Variants in PCSK5 observed in about 807,000 individuals in gnomAD.
The protein encoded by PCSK5 is proprotein convertase subtilisin/kexin type 5.
PCSK5 carries 129 observed loss-of-function variants against 233.2 expected under a neutral mutation model. That is an observed-to-expected ratio of 0.55 (90% CI 0.48 to 0.64). The LOEUF (loss-of-function observed/expected upper bound fraction) is 0.64. PCSK5 is among the 30% of genes least tolerant of loss of function. The pLI is 0.00. For missense variants in PCSK5, 2,076 were observed against 2,430.1 expected, an observed-to-expected ratio of 0.85 and a Z score of 3.06; for synonymous variants, 825 against 879.2, an observed-to-expected ratio of 0.94 and a Z score of 1.09.
At chr9:76,139,229 A>C (rs921378995) in intron 10 of PCSK5, among the ~76,000 whole-genome samples, 48 of 152,272 alleles carry the variant, frequency 3.2e-4, no homozygotes, top group Admixed American at 2.8e-3. Context: ...TGTGTGTTCA[A>C]TCAAAATGAA....
At chr9:76,157,430 C>T (rs1482127493) in intron 11 of PCSK5, among the ~76,000 whole-genome samples, 3 of 149,202 alleles carry the variant, frequency 2.0e-5, no homozygotes, top group South Asian at 2.1e-4. Context: ...TTTCTACTGT[C>T]GATATTTCTA....
chr9:76,097,304 C>T (rs1831572991), intron 8 of PCSK5, among the ~76,000 whole-genome samples: 1 of 119,214 alleles, frequency 8.4e-6, no homozygotes, highest in Admixed American at 1.1e-4. Context: ...CCAGGCGGGA[C>T]TGCGGACTGC....
intron 9 of PCSK5, among the ~76,000 whole-genome samples, chr9:76,115,581 T>A (rs376039010): frequency 6.6e-6 from 1 of 152,076 alleles, no homozygotes; most frequent in East Asian, 1.9e-4. Context: ...CCAGGGAATT[T>A]TTGTTCTGAT....
At chr9:75,897,634 C>T (rs1825868514) in intron 1 of PCSK5, among the ~76,000 whole-genome samples, 1 of 151,842 alleles carries the variant, frequency 6.6e-6, no homozygotes. Context: ...ACTGGGATTA[C>T]AGGCAAGCAC....
At chr9:76,111,368 A>G (rs10781335) in intron 9 of PCSK5, among the ~76,000 whole-genome samples, 76,207 of 151,978 alleles carry the variant, frequency 0.5, 19,397 homozygotes, top group East Asian at 0.74. Context: ...GTTAAGCTCT[A>G]CAGCCACCTT....
chr9:75,951,515 TTGAATC>T (rs1373592311), intron 2 of PCSK5, among the ~76,000 whole-genome samples: 4 of 152,230 alleles, frequency 2.6e-5, no homozygotes, highest in Non-Finnish European at 4.4e-5. Context: ...TTTACAAACT[TTGAATC>T]TGAATAATAT....
intron 1 of PCSK5, among the ~76,000 whole-genome samples, chr9:75,916,153 CA>C (rs1822978711): frequency 6.6e-6 from 1 of 152,134 alleles, no homozygotes; most frequent in Non-Finnish European, 1.5e-5. Context: ...TTAATCAGGT[CA>C]GGGTTTAAAC....
intron 10 of PCSK5, among the ~76,000 whole-genome samples, chr9:76,141,161 G>A (rs953039344): frequency 2.6e-5 from 4 of 152,062 alleles, no homozygotes; most frequent in Non-Finnish European, 4.4e-5. Flanking sequence ...TGACTATCAA[G>A]TAATGAAATT....
chr9:76,079,165 G>A (rs925219022), intron 7 of PCSK5, among the ~76,000 whole-genome samples: 8 of 151,618 alleles, frequency 5.3e-5, no homozygotes, highest in African/African-American at 9.7e-5. Flanking sequence ...AGTGGCGTGC[G>A]TGATCTTGGC....
intron 2 of PCSK5, among the ~76,000 whole-genome samples, chr9:75,968,140 T>TG (rs1825672826): frequency 6.6e-6 from 1 of 152,234 alleles, no homozygotes; most frequent in East Asian, 1.9e-4. Flanking sequence ...GGGATGTTGT[T>TG]GATTCACTGA....
chr9:76,058,119 G>A (rs1829889927), intron 5 of PCSK5, among the ~76,000 whole-genome samples: 1 of 152,118 alleles, frequency 6.6e-6, no homozygotes, highest in Non-Finnish European at 1.5e-5. Flanking sequence ...AAAACTGCAA[G>A]GATTACAGAT....
chr9:75,906,629 G>T (rs1185322013), intron 1 of PCSK5, among the ~76,000 whole-genome samples: 1 of 152,172 alleles, frequency 6.6e-6, no homozygotes, highest in Non-Finnish European at 1.5e-5. Context: ...GGAAGAGAAG[G>T]TCAGAACAGT....
Position 76,292,218 on chromosome 9 carries a change from ATTT to A in PCSK5, c.3143-7_3143-5del. On this transcript the variant is annotated splice_polypyrimidine_tract_variant and intron_variant, in intron 24 of 37. Coordinates refer to ENST00000674117, the MANE Select transcript of PCSK5 (RefSeq NM_001372043.1). Reference sequence around the variant, plus strand: ...TTCCTCATGATTATTACTTTTTATTATTTTTTTTTTCCAGATGATCCAGGAACA... The same window carrying A: ...TTCCTCATGATTATTACTTTTTATTATTTTTTTCCAGATGATCCAGGAACA... 7.1e-7 allele frequency: 1 copy of A among 1,404,884 alleles called. No individual in the cohort carries two copies. The highest frequency in any genetic ancestry group is 9.9e-7 in the Non-Finnish European group (1 of 1,006,948). The allele number at this position is 1,404,884 out of a possible 1,614,324, so 87.0% of individuals were successfully genotyped here.
intron 2 of PCSK5, among the ~76,000 whole-genome samples, chr9:75,933,466 G>C (rs1415294404): frequency 6.6e-6 from 1 of 152,158 alleles, no homozygotes; most frequent in Non-Finnish European, 1.5e-5. Context: ...GCCCCTACCA[G>C]TGCGCATAGC....
chr9:76,164,463 G>A (rs1379174411), intron 12 of PCSK5, among the ~76,000 whole-genome samples: 1 of 152,186 alleles, frequency 6.6e-6, no homozygotes, highest in African/African-American at 2.4e-5. Context: ...ACAGTGCCTA[G>A]CATAGTAAGC....
chr9:76,297,579 GTAAT>G (rs1828480852), intron 27 of PCSK5, among the ~76,000 whole-genome samples: 2 of 152,126 alleles, frequency 1.3e-5, no homozygotes, highest in Admixed American at 1.3e-4. Flanking sequence ...TCCTTGCAAG[GTAAT>G]TACAAACTTT....
intron 22 of PCSK5, among the ~76,000 whole-genome samples, chr9:76,235,925 T>C (rs1826238591): frequency 6.6e-6 from 1 of 152,234 alleles, no homozygotes; most frequent in Non-Finnish European, 1.5e-5. Flanking sequence ...ATGGAAGCTT[T>C]AATAAAAGGC....
At chr9:76,102,853 C>T (rs1277839941) in intron 8 of PCSK5, among the ~76,000 whole-genome samples, 1 of 152,130 alleles carries the variant, frequency 6.6e-6, no homozygotes, top group Non-Finnish European at 1.5e-5. Flanking sequence ...TATAAAGGAG[C>T]TTGATTTTAG....
intron 5 of PCSK5, among the ~76,000 whole-genome samples, chr9:76,054,851 G>C (rs1829763428): frequency 1.3e-5 from 2 of 152,198 alleles, no homozygotes; most frequent in South Asian, 4.1e-4. Flanking sequence ...GTGTGTGTAT[G>C]TGTGTGTGTC....
Sources: gnomAD v4.1 joint callset for allele counts (sites outside exome capture counted in the v4.1 genomes callset) on GRCh38, gnomAD v4.1.1 for gene constraint, MANE v1.5 for transcripts, NCBI Gene and HGNC (gene_info 2026-07-23, HGNC 2026-07-21) for gene names.